The following LDLRAD4 variants were observed in gnomAD, a reference collection of about 807,000 sequenced individuals.
The protein encoded by LDLRAD4 is low density lipoprotein receptor class A domain containing 4.
LDLRAD4 carries 5 observed loss-of-function variants against 17.0 expected under a neutral mutation model. That is an observed-to-expected ratio of 0.29 (90% CI 0.15 to 0.62). The LOEUF (loss-of-function observed/expected upper bound fraction) is 0.62. LDLRAD4 is among the 20% of genes least tolerant of loss of function. The pLI, the probability that LDLRAD4 is intolerant of heterozygous loss-of-function variation, is 0.84. For synonymous variants in LDLRAD4, 168 were observed against 171.8 expected (o/e 0.98, Z 0.17); for missense variants, 340 against 424.7 (o/e 0.80, Z 1.75).
chr18:13,546,809 G>T (rs1174109507), intron 3 of LDLRAD4, among the ~76,000 whole-genome samples: 2 of 152,198 alleles, frequency 1.3e-5, no homozygotes, highest in Non-Finnish European at 2.9e-5. Flanking sequence ...GCTGACATCA[G>T]TGAGGGGCTT....
At chr18:13,339,122 C>T (rs2082246012) in intron 1 of LDLRAD4, among the ~76,000 whole-genome samples, 2 of 151,990 alleles carry the variant, frequency 1.3e-5, no homozygotes, top group South Asian at 4.1e-4. Context: ...GAGGCTTTCA[C>T]TGATTAAAAT....
At chr18:13,342,842 T>G (rs1295082450) in intron 1 of LDLRAD4, among the ~76,000 whole-genome samples, 1 of 152,072 alleles carries the variant, frequency 6.6e-6, no homozygotes, top group Non-Finnish European at 1.5e-5. Context: ...AATCTGTTTA[T>G]ATTTAATATA....
chr18:13,301,086 G>GC (rs111281176), intron 1 of LDLRAD4, among the ~76,000 whole-genome samples: 35,758 of 151,956 alleles, frequency 0.24, 4,397 homozygotes, highest in Middle Eastern at 0.35. Flanking sequence ...GTCCGTGGTT[G>GC]GGGGGGTACA....
At chr18:13,619,676 C>A (rs2148798738) in intron 3 of LDLRAD4, among the ~76,000 whole-genome samples, 1 of 152,278 alleles carries the variant, frequency 6.6e-6, no homozygotes, top group Admixed American at 6.5e-5. Flanking sequence ...AGCAACAGCA[C>A]CCCCTTGGCT....
At chr18:13,646,282 G>A (rs952797545) in exon 6 of LDLRAD4, 5 of 152,760 alleles carry the variant, frequency 3.3e-5, no homozygotes, top group African/African-American at 4.8e-5. Context: ...ACTGTTTTAC[G>A]TGAAGTTCTG....
intron 3 of LDLRAD4, chr18:13,489,248 A>G: frequency 6.7e-6 from 1 of 149,516 alleles, no homozygotes; most frequent in Non-Finnish European, 1.5e-5. Flanking sequence ...TCTGCCTCCC[A>G]GGTTCAAGCA....
intron 1 of LDLRAD4, among the ~76,000 whole-genome samples, chr18:13,263,538 G>A (rs938913370): frequency 2.6e-5 from 4 of 152,174 alleles, no homozygotes; most frequent in Admixed American, 2.6e-4. Context: ...GAGTCGAGGG[G>A]CACCTGGCAC....
chr18:13,262,040 A>ATGTG (rs1567944059), intron 1 of LDLRAD4, among the ~76,000 whole-genome samples: 30 of 58,340 alleles, frequency 5.1e-4, no homozygotes, highest in South Asian at 2.9e-3. Context: ...GGCTCTGTGC[A>ATGTG]TGGAAACTGA....
In LDLRAD4 at chr18:13,645,911, G is replaced by A. The variant is rs747559774; in HGVS notation, c.*254G>A. The A allele has an allele frequency of 1.7e-5, 6 of 357,830 alleles. No individual in the cohort carries two copies. Among genetic ancestry groups the A allele is most frequent in the Admixed American group, 9.0e-5 (2 of 22,104 alleles). 22.2% of individuals were successfully genotyped at this position (357,830 alleles called of 1,614,324 possible). A position where few individuals can be genotyped will look rare whatever the true frequency, so the allele number is the denominator to read the frequency against. On this transcript the variant is annotated 3_prime_UTR_variant, in exon 6 of 6. Transcript: ENST00000359446. This position sits in a 1 kb window ranked among gnomAD's most constrained non-coding sequence, Gnocchi z 5.7. ...AGGGGTTGGGATGGGGGTGTGGGCA[G>A]GGGAAAACAGAGAACGGGATGCTTT...
chr18:13,468,361 A>G (rs1234997035), intron 3 of LDLRAD4, among the ~76,000 whole-genome samples: 1 of 152,170 alleles, frequency 6.6e-6, no homozygotes, highest in Non-Finnish European at 1.5e-5. Context: ...CAGGTGCTGG[A>G]GAGGATGTGG....
intron 1 of LDLRAD4, among the ~76,000 whole-genome samples, chr18:13,374,236 C>T (rs1599756336): frequency 1.3e-5 from 2 of 152,280 alleles, no homozygotes; most frequent in African/African-American, 4.8e-5. Context: ...CCTGACCCCA[C>T]ACAGGCTCCT....
At position 13,622,375 on chromosome 18, in the gene LDLRAD4, A is replaced by T. The variant is rs1441580034; in HGVS notation, c.336+1104A>T. ...GAAGGGGTGGGTGCTACCGAGTGCT[A>T]TCTTCAGACCATGGTGAGGGCTAGA... On this transcript the variant is annotated intron_variant, in intron 4 of 5. Transcript: ENST00000359446. The surrounding 1 kb of genome is among the most constrained non-coding windows in gnomAD (Gnocchi z 5.3). Among the ~76,000 whole-genome samples the T allele has an allele frequency of 6.6e-6, 1 of 152,166 alleles. No homozygotes were observed. The highest frequency in any genetic ancestry group is 2.4e-5 in the African/African-American group (1 of 41,452).
intron 3 of LDLRAD4, among the ~76,000 whole-genome samples, chr18:13,524,219 G>T (rs2093995710): frequency 6.6e-6 from 1 of 152,188 alleles, no homozygotes; most frequent in Non-Finnish European, 1.5e-5. Context: ...AAGAACCAAA[G>T]GGTCTTGGGT....
Position 13,398,410 on chromosome 18 carries a change from T to C in LDLRAD4, c.40+10648T>C, listed in dbSNP as rs971148517. 2.6e-5 allele frequency among the ~76,000 whole-genome samples: 4 copies of C among 152,120 alleles called. No homozygotes were observed. The highest frequency in any genetic ancestry group is 7.2e-5 in the African/African-American group (3 of 41,412). On this transcript the variant is annotated intron_variant, in intron 2 of 5. Coordinates refer to ENST00000359446, the Ensembl canonical transcript of LDLRAD4. The surrounding 1 kb of genome is among the most constrained non-coding windows in gnomAD (Gnocchi z 4.8). ...GAAAATGGGAAAAAATGGGGCATTT[T>C]ATGTTACGTACATTTTACCACAGTG...
intron 3 of LDLRAD4, among the ~76,000 whole-genome samples, chr18:13,478,961 A>T (rs575701167): frequency 6.6e-6 from 1 of 152,250 alleles, no homozygotes; most frequent in South Asian, 2.1e-4. Context: ...CCAGAAGCAG[A>T]TCCACATAAA....
exon 6 of LDLRAD4, chr18:13,647,360 GCTTATCTGCAGTA>G (rs1200687735): frequency 1.3e-5 from 2 of 152,148 alleles, no homozygotes; most frequent in Non-Finnish European, 2.9e-5. Flanking sequence ...GTGGAGAAGG[GCTTATCTGCAGTA>G]CACTCTGCCA....
At chr18:13,392,846 T>C (rs1049189822) in intron 2 of LDLRAD4, among the ~76,000 whole-genome samples, 2 of 152,186 alleles carry the variant, frequency 1.3e-5, no homozygotes, top group Admixed American at 1.3e-4. Flanking sequence ...GAGAATCAGA[T>C]CTAATTGTTA....
chr18:13,568,704 A>G (rs758353523), intron 3 of LDLRAD4, among the ~76,000 whole-genome samples: 1 of 152,220 alleles, frequency 6.6e-6, no homozygotes, highest in Non-Finnish European at 1.5e-5. Context: ...GCCCCACATC[A>G]GGACCTGTGG....
chr18:13,267,814 C>A (rs1372923125), intron 1 of LDLRAD4, among the ~76,000 whole-genome samples: 2 of 152,242 alleles, frequency 1.3e-5, no homozygotes, highest in African/African-American at 2.4e-5. Context: ...TGAGAACTGG[C>A]ACAGACTGTG....
Sources: gnomAD v4.1 joint callset for allele counts (sites outside exome capture counted in the v4.1 genomes callset) on GRCh38, gnomAD v4.1.1 for gene constraint, Gnocchi (gnomAD v3.1) non-coding constraint, MANE v1.5 for transcripts, NCBI Gene and HGNC (gene_info 2026-07-23, HGNC 2026-07-21) for gene names.